Variants in B3GALT1 observed in about 807,000 individuals in gnomAD.
The protein encoded by B3GALT1 is beta-1,3-galactosyltransferase 1, also known as UDP-Gal:betaGlcNAc beta 1,3-galactosyltransferase, polypeptide 1.
B3GALT1 carries 10 observed loss-of-function variants against 23.2 expected under a neutral mutation model. The ratio of observed to expected loss-of-function variants is 0.43; its 90% CI spans 0.27 to 0.73. The LOEUF (loss-of-function observed/expected upper bound fraction) is 0.73. Among genes scored for constraint, B3GALT1 ranks in the 30% least tolerant of loss-of-function variants. The pLI, the probability that B3GALT1 is intolerant of heterozygous loss-of-function variation, is 0.21. For missense variants in B3GALT1, 299 were observed against 405.4 expected (o/e 0.74, Z 2.25); for synonymous variants, 156 against 141.5 (o/e 1.10, Z -0.73).
intron 2 of B3GALT1, among the ~76,000 whole-genome samples, chr2:167,566,425 A>G (rs1364318949): frequency 3.9e-5 from 6 of 151,972 alleles, no homozygotes; most frequent in African/African-American, 1.5e-4. Flanking sequence ...TGGGTGCAGC[A>G]CACCATCATG....
Position 167,338,344 on chromosome 2 carries a change from C to T in B3GALT1, c.-511+45010C>T, listed in dbSNP as rs138115071. 7.2e-5 allele frequency among the ~76,000 whole-genome samples: 11 copies of T among 152,146 alleles called. No individual in the cohort carries two copies. In the East Asian group the frequency reaches 9.7e-4, roughly 13 times the overall value. ...ATGTATTAACATACAAAATTAATCA[C>T]GGTAGAATGTAGCCTTACCTATCTG... On this transcript the variant is annotated intron_variant, in intron 1 of 4. Coordinates refer to ENST00000392690, the MANE Select transcript of B3GALT1 (RefSeq NM_020981.4).
intron 1 of B3GALT1, among the ~76,000 whole-genome samples, chr2:167,392,158 C>T (rs1419750303): frequency 6.6e-6 from 1 of 151,726 alleles, no homozygotes; most frequent in Non-Finnish European, 1.5e-5. Flanking sequence ...GTAAACTAGA[C>T]CAGAAATATC....
chr2:167,314,515 A>G (rs1246156350), intron 1 of B3GALT1, among the ~76,000 whole-genome samples: 2 of 152,222 alleles, frequency 1.3e-5, no homozygotes, highest in African/African-American at 4.8e-5. Flanking sequence ...TACCAAATTA[A>G]TTGTTGGTTT....
At chr2:167,321,141 A>C (rs557705834) in intron 1 of B3GALT1, among the ~76,000 whole-genome samples, 1 of 152,008 alleles carries the variant, frequency 6.6e-6, no homozygotes, top group East Asian at 1.9e-4. Flanking sequence ...GTGTTAGTTA[A>C]CATCTGATAA....
At chr2:167,767,481 C>G (rs976487020) in intron 3 of B3GALT1, among the ~76,000 whole-genome samples, 1 of 152,180 alleles carries the variant, frequency 6.6e-6, no homozygotes, top group Non-Finnish European at 1.5e-5. Flanking sequence ...GATTGGGGCT[C>G]TTTTCAAACT....
chr2:167,320,915 C>G (rs1696801169), intron 1 of B3GALT1, among the ~76,000 whole-genome samples: 1 of 150,978 alleles, frequency 6.6e-6, no homozygotes, highest in Non-Finnish European at 1.5e-5. Flanking sequence ...AAACAGCATC[C>G]CTCCCCTCAA....
chr2:167,506,334 A>G (rs1699917669), intron 2 of B3GALT1, among the ~76,000 whole-genome samples: 1 of 152,176 alleles, frequency 6.6e-6, no homozygotes, highest in Non-Finnish European at 1.5e-5. Context: ...TGTTCAATGA[A>G]TGAATGACTT....
chr2:167,849,435 C>T (rs1036589489), intron 4 of B3GALT1, among the ~76,000 whole-genome samples: 4 of 152,180 alleles, frequency 2.6e-5, no homozygotes, highest in African/African-American at 9.7e-5. Flanking sequence ...CAAATACTTA[C>T]AGCCAACTGA....
chr2:167,740,179 G>A (rs919889996), intron 3 of B3GALT1, among the ~76,000 whole-genome samples: 1 of 151,846 alleles, frequency 6.6e-6, no homozygotes. Flanking sequence ...AAAGCAAAAT[G>A]TTTGGTGCTG....
rs182967848 is a variant in B3GALT1, at chr2:167,474,230, G to T, written c.-510-15947G>T. ...GTTTGACTGACTCTTAGCATAAATT[G>T]CCACACTACCAGCTAATTGACTTGA... On this transcript the variant is annotated intron_variant, in intron 1 of 4. Transcript: ENST00000392690. Among the ~76,000 whole-genome samples, 21 of 152,252 alleles carry T rather than the reference G, an allele frequency of 1.4e-4. No homozygotes were observed. In the East Asian group the frequency reaches 2.1e-3, roughly 15 times the overall value.
chr2:167,730,448 C>A (rs1687393869), intron 3 of B3GALT1, among the ~76,000 whole-genome samples: 1 of 152,144 alleles, frequency 6.6e-6, no homozygotes, highest in Admixed American at 6.6e-5. Context: ...TAGTACTTTA[C>A]AGTTTACAAA....
intron 2 of B3GALT1, among the ~76,000 whole-genome samples, chr2:167,540,687 A>G (rs1007181857): frequency 6.6e-6 from 1 of 152,198 alleles, no homozygotes; most frequent in Non-Finnish European, 1.5e-5. Flanking sequence ...TCTGGTAGAC[A>G]AGCATGCCTC....
At chr2:167,854,731 C>G (rs922780269) in intron 4 of B3GALT1, among the ~76,000 whole-genome samples, 3 of 152,096 alleles carry the variant, frequency 2.0e-5, no homozygotes, top group African/African-American at 4.8e-5. Flanking sequence ...TACAGCTGGC[C>G]CATTTCCAGG....
At chr2:167,379,386 C>T (rs1459049580) in intron 1 of B3GALT1, among the ~76,000 whole-genome samples, 1 of 151,996 alleles carries the variant, frequency 6.6e-6, no homozygotes, top group African/African-American at 2.4e-5. Context: ...AACCATATCA[C>T]TTTCTTTCCC....
intron 4 of B3GALT1, among the ~76,000 whole-genome samples, chr2:167,819,599 C>T (rs922678154): frequency 6.6e-5 from 10 of 152,126 alleles, no homozygotes; most frequent in Non-Finnish European, 1.3e-4. Context: ...TGACTTTGGG[C>T]CACTTACTTA....
At chr2:167,376,096 A>G (rs974310499) in intron 1 of B3GALT1, among the ~76,000 whole-genome samples, 1 of 152,044 alleles carries the variant, frequency 6.6e-6, no homozygotes, top group African/African-American at 2.4e-5. Flanking sequence ...GTTTTTTCTT[A>G]TTAATTTTGT....
At chr2:167,394,095 A>T (rs1698058518) in intron 1 of B3GALT1, among the ~76,000 whole-genome samples, 1 of 152,188 alleles carries the variant, frequency 6.6e-6, no homozygotes, top group South Asian at 2.1e-4. Context: ...ATTAATCCAA[A>T]GTATGTAGCA....
At chr2:167,866,625 C>A (rs900698968) in intron 4 of B3GALT1, among the ~76,000 whole-genome samples, 1 of 152,076 alleles carries the variant, frequency 6.6e-6, no homozygotes, top group African/African-American at 2.4e-5. Context: ...AAAAGGAGAT[C>A]AAAATGTAAA....
At chr2:167,784,758 A>G (rs1347052333) in intron 3 of B3GALT1, among the ~76,000 whole-genome samples, 1 of 152,198 alleles carries the variant, frequency 6.6e-6, no homozygotes, top group Non-Finnish European at 1.5e-5. Flanking sequence ...TAAAAAGGAG[A>G]CCACCCAATA....
Sources: gnomAD v4.1 joint callset for allele counts (sites outside exome capture counted in the v4.1 genomes callset) on GRCh38, gnomAD v4.1.1 for gene constraint, MANE v1.5 for transcripts, NCBI Gene and HGNC (gene_info 2026-07-23, HGNC 2026-07-21) for gene names.